The following GLYATL2 variants were observed in gnomAD, a reference collection of about 807,000 sequenced individuals.
The protein encoded by GLYATL2 is glycine-N-acyltransferase like 2.
In GLYATL2, 25 loss-of-function variants were observed where a neutral mutation model predicts 21.4. That is an observed-to-expected ratio of 1.17 (90% CI 0.85 to 1.63). The LOEUF (loss-of-function observed/expected upper bound fraction) is 1.63, where lower values mean the gene tolerates loss of function less well. GLYATL2 is among the 40% of genes most tolerant of loss of function. The pLI, the probability that GLYATL2 is intolerant of heterozygous loss-of-function variation, is 0.00. For missense variants in GLYATL2, 361 were observed against 343.3 expected (o/e 1.05, Z -0.41); for synonymous variants, 114 against 118.2 (o/e 0.96, Z 0.23).
chr11:58,856,707 A>C (rs599254), intron 1 of GLYATL2, among the ~76,000 whole-genome samples: 135,002 of 152,152 alleles, frequency 0.89, 61,054 homozygotes, highest in Non-Finnish European at 0.98. Flanking sequence ...AACACACACA[A>C]CAGTTATCAA....
At chr11:58,849,574 C>T (rs574035493), upstream of GLYATL2, among the ~76,000 whole-genome samples, 2 of 152,246 alleles carry the variant, frequency 1.3e-5, no homozygotes, top group East Asian at 3.9e-4. Flanking sequence ...TAAAGAAAAG[C>T]CCAGGATCTG....
At position 58,867,783 on chromosome 11, in the gene GLYATL2, C is replaced by A. The variant is rs777890442; in HGVS notation, n.61-29415G>T. On this transcript the variant is annotated intron_variant and non_coding_transcript_variant, in intron 1 of 4. Coordinates refer to the GLYATL2 transcript ENST00000533636. ...CAGAGATAGCCTCAAGGCCGTGACA[C>A]ATAAGGCTAAACCTTTCGGTTTTGA... 4.0e-5 allele frequency among the ~76,000 whole-genome samples: 6 copies of A among 148,948 alleles called. 1 individual carries two copies.
chr11:58,854,533 T>TC (rs1472806789), intron 1 of GLYATL2, among the ~76,000 whole-genome samples: 1 of 152,250 alleles, frequency 6.6e-6, no homozygotes, highest in Non-Finnish European at 1.5e-5. Flanking sequence ...AGAGTTGCAA[T>TC]CTTTTTTGCT....
intron 1 of GLYATL2, among the ~76,000 whole-genome samples, chr11:58,872,154 GT>G (rs1854133975): frequency 6.6e-6 from 1 of 152,148 alleles, no homozygotes; most frequent in Admixed American, 6.5e-5. Context: ...TTGTAAATTT[GT>G]TTGAGTTCAT....
intron 2 of GLYATL2, among the ~76,000 whole-genome samples, chr11:58,838,823 A>G (rs963049934): frequency 1.3e-5 from 2 of 152,178 alleles, no homozygotes; most frequent in African/African-American, 4.8e-5. Context: ...TCTGAGAGAT[A>G]TATGTATATG....
chr11:58,898,737 G>T (rs1416543962), intron 1 of GLYATL2, among the ~76,000 whole-genome samples: 1 of 152,046 alleles, frequency 6.6e-6, no homozygotes. Context: ...GGAGGCTCAG[G>T]CAGGAGAATG....
In GLYATL2 at chr11:58,834,620, A is replaced by C; in HGVS notation, c.694T>G (p.Tyr232Asp). Residue 232 changes from tyrosine (Y) to aspartate (D), a missense_variant, in exon 6 of 6, where the codon TAC (tyrosine) becomes GAC (aspartate). Tyr to Asp is a radical substitution (Grantham distance 160). Transcript: ENST00000287275. The part of the protein sequence containing the change: ...ELRMGYTVPK[Y>D]RHQGNMLQIG... ...TGCAACATGTTGCCTTGGTGTCTGT[A>C]TTTGGGGACAGTATAACCCATTCTC... The C allele has an allele frequency of 6.2e-7, 1 of 1,613,678 alleles. No homozygotes were observed. The highest frequency in any genetic ancestry group is 8.5e-7 in the Non-Finnish European group (1 of 1,179,922).
At position 58,838,350 on chromosome 11, in the gene GLYATL2, T is replaced by C. The variant is rs1331832462; in HGVS notation, c.97A>G (p.Asn33Asp). 4 of 1,612,368 alleles carry C rather than the reference T, an allele frequency of 2.5e-6. No homozygotes were observed. The African/African-American group carries it at 4.0e-5, about 16-fold the overall frequency. ...TTGAAAGGGTTTTTATCTTTTATGT[T>C]GAAAATGGCGCCATATACCTACGAT... ...ESIKVYGAIF[N>D]IKDKNPFNME... The change falls in exon 3 of 6, where the codon AAC (asparagine) becomes GAC (aspartate). Residue 33 changes from asparagine (N) to aspartate (D), a missense_variant. Physicochemically the swap from Asn to Asp is conservative, Grantham distance 23 (BLOSUM62 1). Coordinates refer to ENST00000287275, the MANE Select transcript of GLYATL2 (RefSeq NM_145016.4).
intron 1 of GLYATL2, among the ~76,000 whole-genome samples, chr11:58,869,409 G>T (rs1854077412): frequency 6.6e-6 from 1 of 152,154 alleles, no homozygotes; most frequent in African/African-American, 2.4e-5. Context: ...GTCTGGGGAG[G>T]TTTGGCCTTT....
At chr11:58,837,666 G>T (rs1184296852) in intron 3 of GLYATL2, among the ~76,000 whole-genome samples, 2 of 152,156 alleles carry the variant, frequency 1.3e-5, no homozygotes, top group African/African-American at 2.4e-5. Context: ...CCTAAATGGT[G>T]TATGTTAAGC....
chr11:58,874,413 C>T (rs1000608250), intron 1 of GLYATL2, among the ~76,000 whole-genome samples: 1 of 152,194 alleles, frequency 6.6e-6, no homozygotes, highest in Non-Finnish European at 1.5e-5. Context: ...CCTGCTTTCT[C>T]TTATGGGCAT....
At chr11:58,860,042 A>C (rs996442814) in intron 1 of GLYATL2, among the ~76,000 whole-genome samples, 7 of 152,176 alleles carry the variant, frequency 4.6e-5, no homozygotes, top group Non-Finnish European at 7.4e-5. Flanking sequence ...TTTTGAAGTT[A>C]GGTAGTGTGA....
In GLYATL2 at chr11:58,855,586, C is replaced by A. The variant is rs776097690; in HGVS notation, n.61-17218G>T. On this transcript the variant is annotated intron_variant and non_coding_transcript_variant, in intron 1 of 4. Coordinates refer to the GLYATL2 transcript ENST00000533636. ...GAGCATTGGCTTCAACTTAAAATAA[C>A]CAGCTGCATAAACTCTAATGAGAAA... Among the ~76,000 whole-genome samples the A allele has an allele frequency of 3.5e-4, 53 of 152,210 alleles. 1 individual carries two copies. Among genetic ancestry groups the A allele is most frequent in the Admixed American group, 1.9e-3 (29 of 15,288 alleles).
At chr11:58,851,684 G>A (rs1490051206) in intron 1 of GLYATL2, among the ~76,000 whole-genome samples, 1 of 152,206 alleles carries the variant, frequency 6.6e-6, no homozygotes, top group Non-Finnish European at 1.5e-5. Context: ...CTATTATATG[G>A]TTCCTGGGTG....
At chr11:58,839,433 T>G in intron 2 of GLYATL2, 102 bp downstream of exon 2, 1 of 637,342 alleles carries the variant, frequency 1.6e-6, no homozygotes, top group South Asian at 2.7e-5. Flanking sequence ...GATTCTCACT[T>G]TAGACTTGCA....
intron 1 of GLYATL2, among the ~76,000 whole-genome samples, chr11:58,849,932 TA>T (rs1853710352): frequency 6.6e-6 from 1 of 151,826 alleles, no homozygotes; most frequent in Non-Finnish European, 1.5e-5. Flanking sequence ...ACTTAAAGTA[TA>T]ATTAAAAAAA....
At chr11:58,849,631 A>G (rs936119132), upstream of GLYATL2, among the ~76,000 whole-genome samples, 7 of 152,218 alleles carry the variant, frequency 4.6e-5, no homozygotes, top group East Asian at 1.9e-4. Flanking sequence ...AAGAATATCA[A>G]TCCTACTCAA....
At chr11:58,895,283 A>G (rs1265034772) in intron 1 of GLYATL2, among the ~76,000 whole-genome samples, 1 of 152,258 alleles carries the variant, frequency 6.6e-6, no homozygotes, top group Non-Finnish European at 1.5e-5. Flanking sequence ...GTCCAAAATT[A>G]TCAGTAAACA....
intron 1 of GLYATL2, among the ~76,000 whole-genome samples, chr11:58,881,574 T>C (rs1330407944): frequency 6.6e-6 from 1 of 152,132 alleles, no homozygotes; most frequent in African/African-American, 2.4e-5. Context: ...GTCAAAACTG[T>C]TTTTAGAAGG....
Sources: allele counts gnomAD v4.1 joint callset (sites outside exome capture counted in the v4.1 genomes callset), GRCh38; gene constraint gnomAD v4.1.1; transcripts MANE v1.5; gene names NCBI Gene and HGNC (gene_info 2026-07-23, HGNC 2026-07-21).